MARCHF1: variants seen among roughly 807,000 people sequenced by gnomAD.
MARCHF1 encodes E3 ubiquitin-protein ligase MARCHF1.
MARCHF1 carries 40 observed loss-of-function variants against 54.2 expected under a neutral mutation model. The ratio of observed to expected loss-of-function variants is 0.74; its 90% CI spans 0.57 to 0.96. The LOEUF is 0.96. MARCHF1 is among the 40% of genes least tolerant of loss of function. MARCHF1 has a pLI of 0.00. For missense variants in MARCHF1, 586 were observed against 656.5 expected (o/e 0.89, Z 1.17); for synonymous variants, 236 against 236.3 (o/e 1.00, Z 0.01).
chr4:164,293,961 T>G (rs976276202), intron 1 of MARCHF1, among the ~76,000 whole-genome samples: 1 of 152,224 alleles, frequency 6.6e-6, no homozygotes, highest in Non-Finnish European at 1.5e-5. Context: ...CCACCCTTAA[T>G]CTGGGTGGTC....
chr4:163,715,787 C>G (rs1745238400), intron 4 of MARCHF1, among the ~76,000 whole-genome samples: 1 of 152,096 alleles, frequency 6.6e-6, no homozygotes, highest in Admixed American at 6.5e-5. Flanking sequence ...TACTCTGCTC[C>G]AATCTCAAAA....
At chr4:164,373,048 ATATT>A (rs1288384847) in intron 1 of MARCHF1, among the ~76,000 whole-genome samples, 2 of 152,156 alleles carry the variant, frequency 1.3e-5, no homozygotes, top group Admixed American at 6.5e-5. Context: ...AATTTAAAGA[ATATT>A]TATATTTGCT....
At chr4:164,293,095 A>G (rs145577305) in intron 1 of MARCHF1, among the ~76,000 whole-genome samples, 99 of 152,280 alleles carry the variant, frequency 6.5e-4, no homozygotes, top group African/African-American at 2.2e-3. Flanking sequence ...TTATTTGAAC[A>G]TGAAAAACAA....
At chr4:163,861,801 C>T (rs1423697174) in intron 3 of MARCHF1, among the ~76,000 whole-genome samples, 3 of 152,020 alleles carry the variant, frequency 2.0e-5, no homozygotes, top group Non-Finnish European at 4.4e-5. Flanking sequence ...AGTTGGAGAA[C>T]TCACACTACC....
chr4:164,283,659 T>C (rs2111344466), intron 1 of MARCHF1, among the ~76,000 whole-genome samples: 1 of 150,956 alleles, frequency 6.6e-6, no homozygotes, highest in South Asian at 2.1e-4. Flanking sequence ...GCACTGTGGT[T>C]GCCAGTTAGA....
At chr4:163,778,711 A>G (rs561344738) in intron 4 of MARCHF1, among the ~76,000 whole-genome samples, 2 of 152,270 alleles carry the variant, frequency 1.3e-5, no homozygotes, top group East Asian at 3.9e-4. Context: ...CATGGATGGA[A>G]TAGGAGGCCA....
intron 1 of MARCHF1, among the ~76,000 whole-genome samples, chr4:164,224,703 C>T (rs958311314): frequency 6.6e-6 from 1 of 151,864 alleles, no homozygotes; most frequent in Non-Finnish European, 1.5e-5. Context: ...ATGTAGAATG[C>T]TAGAATAAAC....
At chr4:163,679,426 G>A (rs768933806) in intron 5 of MARCHF1, among the ~76,000 whole-genome samples, 2 of 151,940 alleles carry the variant, frequency 1.3e-5, no homozygotes, top group African/African-American at 4.8e-5. Context: ...TCTTCATCCC[G>A]GTAATAAAGA....
chr4:163,840,332 G>T (rs989929040), intron 4 of MARCHF1, among the ~76,000 whole-genome samples: 1 of 152,156 alleles, frequency 6.6e-6, no homozygotes, highest in South Asian at 2.1e-4. Flanking sequence ...CATTTGTGTC[G>T]AAAGGAAGTA....
intron 3 of MARCHF1, among the ~76,000 whole-genome samples, chr4:163,906,577 A>G (rs1326656283): frequency 6.6e-6 from 1 of 151,968 alleles, no homozygotes; most frequent in East Asian, 1.9e-4. Context: ...CCATGAAGCC[A>G]TCACCACAAT....
intron 3 of MARCHF1, among the ~76,000 whole-genome samples, chr4:163,891,752 C>G (rs1009332035): frequency 2.0e-5 from 3 of 152,152 alleles, no homozygotes; most frequent in Non-Finnish European, 2.9e-5. Context: ...AAGCAGGTTA[C>G]TGCAGAAAGC....
At chr4:163,540,204 C>A (rs912612975) in intron 9 of MARCHF1, among the ~76,000 whole-genome samples, 1 of 152,088 alleles carries the variant, frequency 6.6e-6, no homozygotes, top group Non-Finnish European at 1.5e-5. Context: ...CTGGAGACAC[C>A]TAGAGCATGT....
At chr4:163,633,873 G>T (rs1560987463) in intron 5 of MARCHF1, among the ~76,000 whole-genome samples, 1 of 152,202 alleles carries the variant, frequency 6.6e-6, no homozygotes, top group Non-Finnish European at 1.5e-5. Flanking sequence ...TCAAAGGGAA[G>T]CCCATCAGAC....
At chr4:163,738,505 A>T (rs755442039) in intron 4 of MARCHF1, among the ~76,000 whole-genome samples, 14 of 152,228 alleles carry the variant, frequency 9.2e-5, no homozygotes, top group Non-Finnish European at 1.8e-4. Context: ...ACGTAGTAAA[A>T]CTTCTACAAA....
chr4:163,920,999 A>T (rs535645311), intron 3 of MARCHF1, among the ~76,000 whole-genome samples: 2 of 152,306 alleles, frequency 1.3e-5, no homozygotes, highest in African/African-American at 4.8e-5. Context: ...TAGCAATGTA[A>T]AATTTGGAAA....
intron 2 of MARCHF1, among the ~76,000 whole-genome samples, chr4:164,002,278 A>G (rs1299904011): frequency 6.6e-6 from 1 of 151,640 alleles, no homozygotes; most frequent in Non-Finnish European, 1.5e-5. Flanking sequence ...GAGTCCAAAA[A>G]TGGAGACGAT....
intron 1 of MARCHF1, among the ~76,000 whole-genome samples, chr4:164,195,294 A>C (rs941933136): frequency 2.2e-4 from 33 of 152,148 alleles, no homozygotes; most frequent in Non-Finnish European, 4.1e-4. Flanking sequence ...TATTTTTCCA[A>C]ATGCAATTTT....
chr4:163,739,645 C>A (rs1032046003), intron 4 of MARCHF1, among the ~76,000 whole-genome samples: 1 of 152,094 alleles, frequency 6.6e-6, no homozygotes, highest in African/African-American at 2.4e-5. Flanking sequence ...ATGTGAAATT[C>A]GTTAACATGA....
At chr4:163,860,388 T>C (rs193084998) in intron 3 of MARCHF1, among the ~76,000 whole-genome samples, 141 of 152,252 alleles carry the variant, frequency 9.3e-4, no homozygotes, top group Non-Finnish European at 1.7e-3. Context: ...ATGGTGGTAC[T>C]AGCAGGGGAA....
Sources: gnomAD v4.1 joint callset for allele counts (sites outside exome capture counted in the v4.1 genomes callset) on GRCh38, gnomAD v4.1.1 for gene constraint, MANE v1.5 for transcripts, NCBI Gene and HGNC (gene_info 2026-07-23, HGNC 2026-07-21) for gene names.